Variants in DNA2 observed in about 807,000 individuals in gnomAD.
DNA2 encodes DNA replication helicase/nuclease 2, also known as DNA replication ATP-dependent helicase/nuclease DNA2.
DNA2 carries 101 observed loss-of-function variants against 119.1 expected under a neutral mutation model. The observed-to-expected ratio is 0.85, with a 90% confidence interval of 0.72 to 1.00. The LOEUF is 1.00. Ranked by LOEUF, DNA2 falls within the 50% of genes least tolerant of loss-of-function variation. DNA2 has a pLI of 0.00. For synonymous variants in DNA2, 366 were observed against 424.4 expected (o/e 0.86, Z 1.69); for missense variants, 1,121 against 1,255.5 (o/e 0.89, Z 1.62).
chr10:68,414,981 A>T lies in DNA2; in HGVS notation c.*58T>A, dbSNP rs1351052664. 8 of 1,062,432 alleles carry T rather than the reference A, an allele frequency of 7.5e-6. No individual in the cohort carries two copies. The highest frequency in any genetic ancestry group is 4.0e-4 in the Middle Eastern group (2 of 4,952). 65.8% of individuals were successfully genotyped at this position (1,062,432 alleles called of 1,614,324 possible). ...TTTGTATGGTGATAGAATTTTCTGT[A>T]TGGGCACTAGCTAGAGGAGATACTG... On this transcript the variant is annotated 3_prime_UTR_variant, in exon 21 of 21. Coordinates refer to ENST00000358410, the MANE Select transcript of DNA2 (RefSeq NM_001080449.3).
chr10:68,453,848 T>C (rs1448336904), intron 5 of DNA2, among the ~76,000 whole-genome samples: 1 of 152,208 alleles, frequency 6.6e-6, no homozygotes, highest in Admixed American at 6.6e-5. Context: ...TGACATTGCC[T>C]AACACCACAT....
At chr10:68,416,246 C>A (rs939330639) in intron 20 of DNA2, among the ~76,000 whole-genome samples, 1 of 152,058 alleles carries the variant, frequency 6.6e-6, no homozygotes, top group Non-Finnish European at 1.5e-5. Flanking sequence ...GAGTGAATCA[C>A]TTGAGCCCAG....
chr10:68,427,650 A>AACACACACACAC (rs151180015), intron 14 of DNA2, among the ~76,000 whole-genome samples: 4,751 of 140,164 alleles, frequency 0.034, 257 homozygotes, highest in African/African-American at 0.11. Flanking sequence ...CCTTGTCTCA[A>AACACACACACAC]ACACACACAC....
intron 14 of DNA2, chr10:68,424,928 C>T (rs2051717511): frequency 2.9e-6 from 2 of 680,478 alleles, no homozygotes; most frequent in Non-Finnish European, 5.5e-6. Flanking sequence ...AACACAAAGC[C>T]AAGTCTCGAC....
chr10:68,442,704 A>G lies in DNA2; in HGVS notation c.1415+213T>C, dbSNP rs1295043836. Among the ~76,000 whole-genome samples, 6 of 152,262 alleles carry G rather than the reference A, an allele frequency of 3.9e-5. 1 individual carries two copies. The highest frequency in any genetic ancestry group is 3.9e-4 in the Admixed American group (6 of 15,288). On this transcript the variant is annotated intron_variant, in intron 9 of 20. Coordinates refer to ENST00000358410, the MANE Select transcript of DNA2 (RefSeq NM_001080449.3). Reference sequence around the variant, plus strand: ...GAGGTATATTTAGTCTACTGAAACTATATTACTAACTAGCAATGATTGCAG... The same window carrying G: ...GAGGTATATTTAGTCTACTGAAACTGTATTACTAACTAGCAATGATTGCAG...
At chr10:68,451,096 T>TTAA (rs1554907841) in intron 5 of DNA2, among the ~76,000 whole-genome samples, 1 of 98,848 alleles carries the variant, frequency 1.0e-5, no homozygotes, top group East Asian at 2.8e-4. Context: ...CAAGACTGTC[T>TTAA]AAAAAAAAAA....
intron 5 of DNA2, among the ~76,000 whole-genome samples, chr10:68,457,816 T>G (rs1034165226): frequency 6.7e-6 from 1 of 148,594 alleles, no homozygotes; most frequent in African/African-American, 2.5e-5. Context: ...ATATAGCACA[T>G]CCATATGACA....
intron 20 of DNA2, among the ~76,000 whole-genome samples, chr10:68,415,703 C>T (rs1264342208): frequency 6.6e-6 from 1 of 152,070 alleles, no homozygotes; most frequent in Admixed American, 6.6e-5. Flanking sequence ...GAGTCTCGCT[C>T]TGCCACCAGG....
At chr10:68,416,524 T>C (rs971900022) in intron 20 of DNA2, 185 bp downstream of exon 20, 15 of 555,914 alleles carry the variant, frequency 2.7e-5, no homozygotes, top group African/African-American at 1.9e-4. Context: ...AAAAGGGTTA[T>C]AGGCTGGGGG....
At position 68,424,787 on chromosome 10, in the gene DNA2, G is replaced by A. The variant is rs1268228194; in HGVS notation, c.2209-1897C>T. 7 of 1,276,586 alleles carry A rather than the reference G, an allele frequency of 5.5e-6. No homozygotes were observed. In the East Asian group the frequency reaches 1.4e-4, roughly 25 times the overall value. 79.1% of individuals were successfully genotyped at this position (1,276,586 alleles called of 1,614,324 possible). A position where few individuals can be genotyped will look rare whatever the true frequency, so the allele number is the denominator to read the frequency against. On this transcript the variant is annotated intron_variant, in intron 14 of 20. Transcript: ENST00000358410. ...GCAAGGTAGTCCAGGTGTACAGAAA[G>A]AAAGATGTCATCTACACTGAGCAGG... is the stretch of plus-strand genomic sequence containing the variant.
In DNA2 at chr10:68,430,517, G is replaced by A. The variant is rs138711389; in HGVS notation, c.2127C>T (p.Ile709=). The part of the protein sequence containing the change: ...LGQIQKVHPA[I]QQFTEQEICR... ...AAATTTCTTGCTCTGTAAATTGCTG[G>A]ATAGCTGGATGAACCTTCTGAATCT... The change falls in exon 14 of 21, where the codon ATC becomes ATT. Residue 709 remains isoleucine (I), a synonymous_variant. Transcript: ENST00000358410. 6.2e-6 allele frequency: 10 copies of A among 1,611,942 alleles called. No individual in the cohort carries two copies. Among genetic ancestry groups the A allele is most frequent in the Non-Finnish European group, 8.5e-6 (10 of 1,179,026 alleles).
intron 6 of DNA2, 60 bp from the exon 7 acceptor site, chr10:68,446,473 G>T: frequency 9.6e-7 from 1 of 1,036,382 alleles, no homozygotes. Context: ...TCCTTACATT[G>T]TCTTGCAACC....
chr10:68,419,008 A>T lies in DNA2; in HGVS notation c.2967+26T>A, dbSNP rs373399938. 1.1e-5 allele frequency: 17 copies of T among 1,556,386 alleles called. No homozygotes were observed. In the African/African-American group the frequency reaches 2.4e-4, roughly 22 times the overall value. ...AAAGAGAGAGAAATGCCCCAAATGA[A>T]TCAGTAGCAAACACAATTAACTCAC... On this transcript the variant is annotated intron_variant, in intron 19 of 20. Transcript: ENST00000358410.
chr10:68,456,539 G>T (rs1236089595), intron 5 of DNA2, among the ~76,000 whole-genome samples: 3 of 151,838 alleles, frequency 2.0e-5, no homozygotes, highest in African/African-American at 7.3e-5. Flanking sequence ...TCAGCCTCCC[G>T]AGTAGCTGGG....
chr10:68,438,770 A>G (rs969739231), intron 9 of DNA2, among the ~76,000 whole-genome samples: 2 of 152,296 alleles, frequency 1.3e-5, no homozygotes, highest in African/African-American at 4.8e-5. Flanking sequence ...GCCGTGGCTC[A>G]TGCCTGTAAT....
At chr10:68,466,097 T>C (rs1490549322) in intron 3 of DNA2, among the ~76,000 whole-genome samples, 2 of 152,056 alleles carry the variant, frequency 1.3e-5, no homozygotes, top group Non-Finnish European at 2.9e-5. Flanking sequence ...CTCAGCTCAC[T>C]GCAACCTTCA....
chr10:68,426,406 C>A (rs1339378401), intron 14 of DNA2, among the ~76,000 whole-genome samples: 2 of 150,790 alleles, frequency 1.3e-5, no homozygotes, highest in Non-Finnish European at 3.0e-5. Flanking sequence ...GGTATGGTGG[C>A]TCATGCCTGT....
intron 2 of DNA2, among the ~76,000 whole-genome samples, chr10:68,468,580 AAAGTC>A (rs766461337): frequency 6.3e-4 from 96 of 152,318 alleles, no homozygotes; most frequent in Middle Eastern, 3.4e-3. Flanking sequence ...TAGTGCCAGT[AAAGTC>A]TATTGCAAAA....
chr10:68,451,309 T>A (rs1438664531), intron 5 of DNA2, among the ~76,000 whole-genome samples: 1 of 152,100 alleles, frequency 6.6e-6, no homozygotes, highest in Non-Finnish European at 1.5e-5. Context: ...ACTCAATTTT[T>A]TTTTTATAAA....
Sources: gnomAD v4.1 joint callset for allele counts (sites outside exome capture counted in the v4.1 genomes callset) on GRCh38, gnomAD v4.1.1 for gene constraint, MANE v1.5 for transcripts, NCBI Gene and HGNC (gene_info 2026-07-23, HGNC 2026-07-21) for gene names.